LNP1: variants seen among roughly 807,000 people sequenced by gnomAD.
LNP1 encodes leukemia NUP98 fusion partner 1.
A neutral mutation model predicts 14.5 loss-of-function variants in LNP1; 12 were observed. That is an observed-to-expected ratio of 0.83 (90% CI 0.53 to 1.34). LNP1 has a LOEUF of 1.34. Among genes scored for constraint, LNP1 ranks in the 40% most tolerant of loss-of-function variants. The pLI, the probability that LNP1 is intolerant of heterozygous loss-of-function variation, is 0.00. For synonymous variants in LNP1, 75 were observed against 71.4 expected, an observed-to-expected ratio of 1.05 and a Z score of -0.26; for missense variants, 198 against 210.9, an observed-to-expected ratio of 0.94 and a Z score of 0.38.
chr3:100,455,635 T>G, intron 3 of LNP1, 142 bp from the exon 4 acceptor site: 1 of 773,878 alleles, frequency 1.3e-6, no homozygotes, highest in Non-Finnish European at 2.2e-6. Context: ...ATCCTTAGGT[T>G]TATGCTAATT....
intron 2 of LNP1, among the ~76,000 whole-genome samples, chr3:100,443,533 C>T (rs189981126): frequency 1.1e-3 from 174 of 152,244 alleles, no homozygotes; most frequent in African/African-American, 3.8e-3. Context: ...CTGAGTTGGG[C>T]GATCCTCTCC....
At chr3:100,416,393 T>C (rs1312655714) in intron 1 of LNP1, among the ~76,000 whole-genome samples, 7 of 152,182 alleles carry the variant, frequency 4.6e-5, no homozygotes, top group Non-Finnish European at 7.3e-5. Flanking sequence ...AATCAGCCAT[T>C]TCTTCAGGAA....
intron 1 of LNP1, among the ~76,000 whole-genome samples, chr3:100,410,077 G>A (rs1290074244): frequency 6.6e-6 from 1 of 152,010 alleles, no homozygotes; most frequent in Non-Finnish European, 1.5e-5. Context: ...GGAATGGGGT[G>A]CTAATGTAAC....
intron 1 of LNP1, among the ~76,000 whole-genome samples, chr3:100,419,427 C>T (rs980409770): frequency 1.3e-5 from 2 of 152,082 alleles, no homozygotes; most frequent in African/African-American, 4.8e-5. Context: ...AATGTCAAAA[C>T]CAGGAAATTG....
At chr3:100,415,930 G>T (rs972840404) in intron 1 of LNP1, among the ~76,000 whole-genome samples, 1 of 152,098 alleles carries the variant, frequency 6.6e-6, no homozygotes, top group Non-Finnish European at 1.5e-5. Flanking sequence ...TAAAAAAAAG[G>T]TTGTATTGTC....
chr3:100,404,424 A>G (rs985082503), intron 1 of LNP1, among the ~76,000 whole-genome samples: 6 of 152,206 alleles, frequency 3.9e-5, no homozygotes, highest in African/African-American at 7.2e-5. Context: ...GTGGCTATTG[A>G]GCACTTGAAA....
rs1477358668 is a variant in LNP1 at position 100,402,118 on chromosome 3, G to T, written c.-355G>T. On this transcript the variant is annotated 5_prime_UTR_variant, in exon 1 of 4. Transcript: ENST00000383693. ...TAATAGCTTTATCAACTCTTTTTCC[G>T]ATGCTCTGCACCAGATCTCTTAAAA... The T allele has an allele frequency of 6.6e-6, 1 of 151,976 alleles. No individual in the cohort carries two copies. Among genetic ancestry groups the T allele is most frequent in the Non-Finnish European group, 1.5e-5 (1 of 68,024 alleles). The allele number at this position is 151,976 out of a possible 1,614,324, so 9.4% of individuals were successfully genotyped here. A position where few individuals can be genotyped will look rare whatever the true frequency, so the allele number is the denominator to read the frequency against.
chr3:100,407,171 G>A lies in LNP1; in HGVS notation c.-34+4732G>A, dbSNP rs145582362. 2.4e-4 allele frequency among the ~76,000 whole-genome samples: 36 copies of A among 152,200 alleles called. No homozygotes were observed. In the East Asian group the frequency reaches 6.4e-3, roughly 27 times the overall value. On this transcript the variant is annotated intron_variant, in intron 1 of 3. Coordinates refer to ENST00000383693, the MANE Select transcript of LNP1 (RefSeq NM_001085451.2). ...TTATAAATTAAATTTAGCTATGTAC[G>A]TATTTTTGCCAGGGAGTTTTATACT...
chr3:100,441,705 C>A (rs1707345458), intron 2 of LNP1, among the ~76,000 whole-genome samples: 1 of 151,818 alleles, frequency 6.6e-6, no homozygotes, highest in Non-Finnish European at 1.5e-5. Flanking sequence ...CTCTGTTGCC[C>A]AGGCTGGAGC....
At chr3:100,450,619 G>A (rs1707428812) in intron 2 of LNP1, among the ~76,000 whole-genome samples, 1 of 152,126 alleles carries the variant, frequency 6.6e-6, no homozygotes, top group Admixed American at 6.5e-5. Context: ...TTACAGGCAT[G>A]AGCCACCACG....
chr3:100,403,494 C>T (rs1411094264), intron 1 of LNP1, among the ~76,000 whole-genome samples: 6 of 148,620 alleles, frequency 4.0e-5, no homozygotes, highest in Admixed American at 2.7e-4. Flanking sequence ...GATGGAGTTT[C>T]GCTCTTGTTG....
chr3:100,429,920 G>A, intron 2 of LNP1, 35 bp downstream of exon 2: 1 of 1,593,326 alleles, frequency 6.3e-7, no homozygotes, highest in Non-Finnish European at 8.5e-7. Context: ...GGGGAGAGCT[G>A]GAATAGGGGA....
At position 100,416,731 on chromosome 3, in the gene LNP1, TTTA is replaced by T. The variant is rs201201176; in HGVS notation, c.-33-12965_-33-12963del. Among the ~76,000 whole-genome samples the T allele has an allele frequency of 1.9e-3, 276 of 144,664 alleles. 2 individuals carry two copies. The highest frequency in any genetic ancestry group is 3.5e-3 in the Middle Eastern group (1 of 286). 94.9% of individuals were successfully genotyped at this position (144,664 alleles called of 152,430 possible). ...TTTTTTGTTTTGATTTTTTTTTTTT[TTTA>T]CATTAAGTTCCAGGATACATGTGCA... On this transcript the variant is annotated intron_variant, in intron 1 of 3. Coordinates refer to ENST00000383693, the MANE Select transcript of LNP1 (RefSeq NM_001085451.2).
At chr3:100,435,225 T>A (rs1393395295) in intron 2 of LNP1, among the ~76,000 whole-genome samples, 1 of 152,196 alleles carries the variant, frequency 6.6e-6, no homozygotes, top group East Asian at 1.9e-4. Flanking sequence ...CTGTGGACTT[T>A]TCTCTCTTCT....
intron 2 of LNP1, among the ~76,000 whole-genome samples, chr3:100,434,294 T>A (rs958432012): frequency 2.0e-5 from 3 of 152,184 alleles, no homozygotes; most frequent in Non-Finnish European, 4.4e-5. Context: ...GGCTGGCCAA[T>A]TTTCCCAGCA....
At chr3:100,431,744 G>A (rs1364567459) in intron 2 of LNP1, among the ~76,000 whole-genome samples, 1 of 150,110 alleles carries the variant, frequency 6.7e-6, no homozygotes, top group Non-Finnish European at 1.5e-5. Flanking sequence ...TGGAATCCCA[G>A]CACTGTGGGG....
chr3:100,430,047 C>T (rs972256954), intron 2 of LNP1, among the ~76,000 whole-genome samples, 162 bp downstream of exon 2: 1 of 152,144 alleles, frequency 6.6e-6, no homozygotes, highest in Non-Finnish European at 1.5e-5. Context: ...ATTATTTCAT[C>T]TTGTCTTTCA....
In LNP1 at chr3:100,428,531, C is replaced by CAA. The variant is rs552434826; in HGVS notation, c.-33-1154_-33-1153dup. 0.02 allele frequency among the ~76,000 whole-genome samples: 2,046 copies of CAA among 103,562 alleles called. 242 individuals are homozygous for CAA. In the East Asian group the frequency reaches 0.34, roughly 17 times the overall value. 67.9% of individuals were successfully genotyped at this position (103,562 alleles called of 152,430 possible). A position where few individuals can be genotyped will look rare whatever the true frequency, so the allele number is the denominator to read the frequency against. On this transcript the variant is annotated intron_variant, in intron 1 of 3. Transcript: ENST00000383693. The stretch of plus-strand genomic sequence containing the variant: ...TGGGCAACAGGACGAGACTCCATCT[C>CAA]AAAAAAAAAAAAAGAAAAAAAGAAA...
chr3:100,438,850 A>T (rs1030804226), intron 2 of LNP1, among the ~76,000 whole-genome samples: 1 of 152,200 alleles, frequency 6.6e-6, no homozygotes, highest in Non-Finnish European at 1.5e-5. Context: ...CTACAGCGTG[A>T]TTCACAAAAC....
Sources: allele counts gnomAD v4.1 joint callset (sites outside exome capture counted in the v4.1 genomes callset), GRCh38; gene constraint gnomAD v4.1.1; transcripts MANE v1.5; gene names NCBI Gene and HGNC (gene_info 2026-07-23, HGNC 2026-07-21).